The following SIPA1L1 variants were observed in gnomAD, a reference collection of about 807,000 sequenced individuals.
SIPA1L1 encodes signal induced proliferation associated 1 like 1, also known as signal-induced proliferation-associated 1-like protein 1.
SIPA1L1 carries 26 observed loss-of-function variants against 162.7 expected under a neutral mutation model. The observed-to-expected ratio is 0.16, with a 90% CI of 0.12 to 0.22. The LOEUF is 0.22. SIPA1L1 is among the 10% of genes least tolerant of loss of function. The pLI is 1.00. For missense variants in SIPA1L1, 1,874 were observed against 2,241.0 expected (o/e 0.84, Z 3.31); for synonymous variants, 829 against 837.4 (o/e 0.99, Z 0.17).
At chr14:71,457,630 A>G (rs890131272) in intron 2 of SIPA1L1, among the ~76,000 whole-genome samples, 2 of 146,664 alleles carry the variant, frequency 1.4e-5, no homozygotes, top group African/African-American at 5.1e-5. Flanking sequence ...TTTCGCTTTT[A>G]TCATGCACAG....
In SIPA1L1 at chr14:71,699,207, T is replaced by G. The variant is rs1238521313; in HGVS notation, c.3521+80T>G. The G allele has an allele frequency of 3.0e-6, 4 of 1,339,998 alleles. No individual in the cohort carries two copies. The Admixed American group carries it at 7.2e-5, about 24-fold the overall frequency. The allele number at this position is 1,339,998 out of a possible 1,614,324, so 83.0% of individuals were successfully genotyped here. On this transcript the variant is annotated intron_variant, in intron 14 of 23. Coordinates refer to ENST00000381232, the MANE Select transcript of SIPA1L1 (RefSeq NM_001386936.1). ...TCTGTACTCAGACATGTAAAATGAC[T>G]TCCATTCAGCCAGCCTTGATCAATT...
chr14:71,683,375 C>A (rs61994385), intron 12 of SIPA1L1, among the ~76,000 whole-genome samples: 3 of 152,136 alleles, frequency 2.0e-5, no homozygotes, highest in Non-Finnish European at 4.4e-5. Context: ...CAAGTTAGAA[C>A]AAGAGCATTG....
intron 7 of SIPA1L1, among the ~76,000 whole-genome samples, chr14:71,624,465 C>T (rs1043247591): frequency 1.3e-5 from 2 of 152,116 alleles, no homozygotes; most frequent in African/African-American, 4.8e-5. Context: ...CTTTAAACTA[C>T]GTTAAATTCT....
intron 2 of SIPA1L1, among the ~76,000 whole-genome samples, chr14:71,463,986 C>G (rs557482783): frequency 1.3e-5 from 2 of 152,230 alleles, no homozygotes; most frequent in African/African-American, 4.8e-5. Context: ...CCAATTATTC[C>G]CATTGTAGTT....
chr14:71,550,067 C>T (rs577468538), intron 4 of SIPA1L1, among the ~76,000 whole-genome samples: 14 of 152,186 alleles, frequency 9.2e-5, no homozygotes, highest in Admixed American at 7.9e-4. Context: ...GAAACCACAG[C>T]GAGACCCTGT....
At chr14:71,595,997 G>C (rs1037393173) in intron 5 of SIPA1L1, among the ~76,000 whole-genome samples, 5 of 152,140 alleles carry the variant, frequency 3.3e-5, no homozygotes, top group Non-Finnish European at 5.9e-5. Context: ...TTGCCAGATA[G>C]TCCTTTATTC....
intron 2 of SIPA1L1, among the ~76,000 whole-genome samples, chr14:71,401,093 A>G (rs2041636606): frequency 6.6e-6 from 1 of 152,190 alleles, no homozygotes; most frequent in Non-Finnish European, 1.5e-5. Flanking sequence ...TTTGAAAAGT[A>G]AATTTGATTG....
intron 2 of SIPA1L1, among the ~76,000 whole-genome samples, chr14:71,462,307 CAG>C (rs2046663895): frequency 6.6e-6 from 1 of 152,328 alleles, no homozygotes; most frequent in Non-Finnish European, 1.5e-5. Context: ...GGGCTCCAAA[CAG>C]CATCCACTTC....
In SIPA1L1 at chr14:71,735,364, C is replaced by G. The variant is rs1322121773; in HGVS notation, c.5096C>G (p.Ala1699Gly). 3.7e-6 allele frequency: 6 copies of G among 1,614,020 alleles called. No individual in the cohort carries two copies. In the East Asian group the frequency reaches 1.3e-4, roughly 36 times the overall value. The change falls in exon 22 of 24, where the codon GCT (alanine) becomes GGT (glycine). Residue 1699 changes from alanine (A) to glycine (G), a missense_variant. By Grantham distance (60) the Ala-to-Gly change is moderately conservative. Around this residue, in one of 5 missense-constraint regions of SIPA1L1, gnomAD observed 936 missense variants for 1,051.9 expected, o/e 0.89. Transcript: ENST00000381232. The part of the protein sequence containing the change: ...ASNSDQLEDQ[A>G]LAQMKPYSSS... ...AACAGTGATCAGCTGGAGGACCAGG[C>G]TCTGGCCCAGATGAAGCCTTACAGC...
chr14:71,467,168 G>A (rs1271211145), intron 2 of SIPA1L1: 1 of 152,164 alleles, frequency 6.6e-6, no homozygotes, highest in East Asian at 1.9e-4. Flanking sequence ...AGTTCTGTGA[G>A]CCAACATTGT....
intron 2 of SIPA1L1, among the ~76,000 whole-genome samples, chr14:71,361,030 C>T (rs78706918): frequency 2.7e-5 from 4 of 150,802 alleles, no homozygotes; most frequent in African/African-American, 7.3e-5. Flanking sequence ...TTTTTTTTTC[C>T]TGAGGATAAA....
intron 18 of SIPA1L1, 85 bp from the exon 19 acceptor site, chr14:71,724,585 T>C (rs1041635054): frequency 9.5e-7 from 1 of 1,056,530 alleles, no homozygotes; most frequent in Non-Finnish European, 1.4e-6. Context: ...TTGACTTATA[T>C]TGACTTACAT....
rs1316122129 is a variant in SIPA1L1, at chr14:71,724,657, C to T, written c.4449-13C>T. 4.4e-6 allele frequency: 7 copies of T among 1,606,922 alleles called. No homozygotes were observed. The highest frequency in any genetic ancestry group is 5.9e-6 in the Non-Finnish European group (7 of 1,177,540). On this transcript the variant is annotated splice_polypyrimidine_tract_variant and intron_variant, in intron 18 of 23. Coordinates refer to ENST00000381232, the MANE Select transcript of SIPA1L1 (RefSeq NM_001386936.1). ...TGAGTTGGTATCTATCATCTCTTCC[C>T]TTTTTTGTCCAGGCGTCATCAGAGC...
chr14:71,704,068 G>C (rs1290873118), intron 15 of SIPA1L1, among the ~76,000 whole-genome samples: 2 of 152,122 alleles, frequency 1.3e-5, no homozygotes, highest in Non-Finnish European at 2.9e-5. Context: ...AGAGGTCCAA[G>C]TGGTGGCCTT....
chr14:71,636,743 A>G (rs1296117298), intron 7 of SIPA1L1, among the ~76,000 whole-genome samples: 1 of 152,172 alleles, frequency 6.6e-6, no homozygotes, highest in Non-Finnish European at 1.5e-5. Flanking sequence ...AAATTAATGA[A>G]ATGAAAGGCT....
chr14:71,692,097 A>G (rs956565720), intron 13 of SIPA1L1, among the ~76,000 whole-genome samples: 2 of 152,120 alleles, frequency 1.3e-5, no homozygotes, highest in South Asian at 2.1e-4. Context: ...TCTACTTTCC[A>G]TTTGTGGTAA....
At chr14:71,577,828 C>T (rs1482704558) in intron 4 of SIPA1L1, among the ~76,000 whole-genome samples, 1 of 146,460 alleles carries the variant, frequency 6.8e-6, no homozygotes, top group African/African-American at 2.6e-5. Context: ...AACCTCTGAG[C>T]TCAAGCAGCC....
chr14:71,399,525 C>T (rs1430743863), intron 2 of SIPA1L1, among the ~76,000 whole-genome samples: 1 of 151,928 alleles, frequency 6.6e-6, no homozygotes, highest in African/African-American at 2.4e-5. Flanking sequence ...ACATCTTAAC[C>T]TTCTGAGTAG....
At chr14:71,422,026 G>A (rs890666657) in intron 2 of SIPA1L1, among the ~76,000 whole-genome samples, 7 of 152,144 alleles carry the variant, frequency 4.6e-5, no homozygotes, top group East Asian at 3.8e-4. Context: ...ATTCTTAGTC[G>A]TTAAAATGGA....
Sources: gnomAD v4.1 joint callset for allele counts (sites outside exome capture counted in the v4.1 genomes callset) on GRCh38, gnomAD v4.1.1 for gene constraint, gnomAD v4.1.1 regional missense constraint, MANE v1.5 for transcripts, NCBI Gene and HGNC (gene_info 2026-07-23, HGNC 2026-07-21) for gene names.